Variants in CCDC178 observed in about 807,000 individuals in gnomAD.
CCDC178 encodes coiled-coil domain containing 178.
Under a neutral mutation model 117.4 loss-of-function variants are expected in CCDC178, and 126 were observed. That is an observed-to-expected ratio of 1.07 (90% CI 0.93 to 1.24). CCDC178 has a LOEUF of 1.24. Among genes scored for constraint, CCDC178 ranks in the 50% most tolerant of loss-of-function variants. The pLI, the probability that CCDC178 is intolerant of heterozygous loss-of-function variation, is 0.00. For missense variants in CCDC178, 1,030 were observed against 986.9 expected (o/e 1.04, Z -0.59); for synonymous variants, 283 against 313.4 (o/e 0.90, Z 1.02).
intron 21 of CCDC178, among the ~76,000 whole-genome samples, chr18:32,985,530 T>C (rs2055245056): frequency 6.6e-6 from 1 of 151,950 alleles, no homozygotes; most frequent in Non-Finnish European, 1.5e-5. Context: ...TGCCCAAAAT[T>C]TATAAACTCA....
intron 21 of CCDC178, among the ~76,000 whole-genome samples, chr18:32,978,765 G>T (rs770716617): frequency 6.6e-6 from 1 of 152,168 alleles, no homozygotes; most frequent in East Asian, 1.9e-4. Flanking sequence ...GGCCGGGCAC[G>T]GTGGCTAACG....
chr18:33,224,936 T>C lies in CCDC178; in HGVS notation c.1657A>G (p.Lys553Glu), dbSNP rs2059285350. ...ACTTCGTAAATGGAATATAGTTTTT[T>C]CTGCCAGCAAAGATTTTAAATAAAT... ...GEVAAGMVLQ[K>E]KLYSIYEVQA... The change falls in exon 17 of 23, where the codon AAA becomes GAA. Residue 553 changes from lysine to glutamate, a missense_variant and splice_region_variant. Lys to Glu is a moderately conservative substitution (Grantham distance 56). Transcript: ENST00000383096. The C allele has an allele frequency of 6.8e-7, 1 of 1,469,374 alleles. No individual in the cohort carries two copies. The highest frequency in any genetic ancestry group is 9.0e-7 in the Non-Finnish European group (1 of 1,107,646). 91.0% of individuals were successfully genotyped at this position (1,469,374 alleles called of 1,614,324 possible). A position where few individuals can be genotyped will look rare whatever the true frequency, so the allele number is the denominator to read the frequency against.
rs192016944 is a variant in CCDC178, at chr18:33,073,209, A to G, written c.2388+19552T>C. Among the ~76,000 whole-genome samples, 3 of 151,938 alleles carry G rather than the reference A, an allele frequency of 2.0e-5. No individual in the cohort carries two copies. In the East Asian group the frequency reaches 5.8e-4, roughly 29 times the overall value. On this transcript the variant is annotated intron_variant, in intron 21 of 22. Coordinates refer to ENST00000383096, the MANE Select transcript of CCDC178 (RefSeq NM_001105528.4). ...AATGAAAATCATTTGCAGCCTGAGTATTGCTGACTTTTGGAATGTAGCTTC... is the reference window on the plus strand; with the variant it reads ...AATGAAAATCATTTGCAGCCTGAGTGTTGCTGACTTTTGGAATGTAGCTTC...
At chr18:32,985,961 A>G (rs918596227) in intron 21 of CCDC178, among the ~76,000 whole-genome samples, 1 of 152,072 alleles carries the variant, frequency 6.6e-6, no homozygotes, top group Non-Finnish European at 1.5e-5. Flanking sequence ...AACTGGATTC[A>G]ATATAAAATA....
chr18:33,367,283 T>C (rs1443439430), intron 6 of CCDC178, among the ~76,000 whole-genome samples: 1 of 152,056 alleles, frequency 6.6e-6, no homozygotes, highest in African/African-American at 2.4e-5. Context: ...AGAGAATAGA[T>C]GGAGGATTGC....
chr18:33,160,242 T>G (rs772579796), intron 20 of CCDC178, among the ~76,000 whole-genome samples: 1 of 152,168 alleles, frequency 6.6e-6, no homozygotes, highest in Non-Finnish European at 1.5e-5. Flanking sequence ...ATTATTCATC[T>G]TCTACGACAG....
intron 20 of CCDC178, among the ~76,000 whole-genome samples, chr18:33,192,726 C>T (rs1282855140): frequency 6.6e-6 from 1 of 151,282 alleles, no homozygotes; most frequent in East Asian, 2.0e-4. Flanking sequence ...CATGGCGAAA[C>T]CCCGTCTCTA....
At chr18:33,156,082 CT>C (rs755685926) in intron 20 of CCDC178, among the ~76,000 whole-genome samples, 1,094 of 98,060 alleles carry the variant, frequency 0.011, 1 homozygote, top group African/African-American at 0.04. Flanking sequence ...CTAGAAAACA[CT>C]TTTTTTTTTT....
chr18:32,956,910 C>T (rs1259837645), intron 22 of CCDC178: 2 of 152,142 alleles, frequency 1.3e-5, no homozygotes, highest in Non-Finnish European at 2.9e-5. Context: ...CAGGAGAAAA[C>T]ATTTCTGTAG....
chr18:33,071,850 T>C (rs1007118904), intron 21 of CCDC178, among the ~76,000 whole-genome samples: 3 of 152,178 alleles, frequency 2.0e-5, no homozygotes, highest in African/African-American at 7.2e-5. Flanking sequence ...GTAAGTAATT[T>C]AGAGTGTGCT....
At chr18:33,317,631 C>G (rs1424011745) in intron 11 of CCDC178, among the ~76,000 whole-genome samples, 1 of 152,116 alleles carries the variant, frequency 6.6e-6, no homozygotes, top group Admixed American at 6.5e-5. Flanking sequence ...GACCCCTTTC[C>G]TGTAACAATA....
chr18:32,941,918 C>A (rs924661674), intron 22 of CCDC178, among the ~76,000 whole-genome samples: 2 of 152,054 alleles, frequency 1.3e-5, no homozygotes, highest in Non-Finnish European at 2.9e-5. Context: ...GATTGATGAA[C>A]CTCTCTTCAA....
chr18:33,055,387 A>T (rs917789832), intron 21 of CCDC178, among the ~76,000 whole-genome samples: 4 of 151,922 alleles, frequency 2.6e-5, no homozygotes, highest in African/African-American at 9.7e-5. Flanking sequence ...CCCAGGCTGG[A>T]GTGCAGTGGC....
intron 20 of CCDC178, among the ~76,000 whole-genome samples, chr18:33,138,447 C>T (rs1013596200): frequency 6.6e-6 from 1 of 152,082 alleles, no homozygotes; most frequent in Admixed American, 6.5e-5. Flanking sequence ...TCAGTGCCGC[C>T]TCCATACAAC....
intron 21 of CCDC178, among the ~76,000 whole-genome samples, chr18:33,078,573 T>C (rs1422975487): frequency 6.6e-6 from 1 of 152,112 alleles, no homozygotes; most frequent in African/African-American, 2.4e-5. Flanking sequence ...GATAAACAAC[T>C]TCAACAACAT....
intron 9 of CCDC178, among the ~76,000 whole-genome samples, chr18:33,335,560 G>A (rs527726136): frequency 6.6e-6 from 1 of 151,780 alleles, no homozygotes; most frequent in South Asian, 2.1e-4. Context: ...TCCTTGTCTT[G>A]CTGTGATGCA....
chr18:32,995,616 C>T (rs1410721474), intron 21 of CCDC178, among the ~76,000 whole-genome samples: 3 of 152,160 alleles, frequency 2.0e-5, no homozygotes, highest in African/African-American at 7.2e-5. Flanking sequence ...TTAATGAATG[C>T]TTTTTGCCAT....
chr18:33,015,351 G>C (rs1432380153), intron 21 of CCDC178, among the ~76,000 whole-genome samples: 2 of 151,900 alleles, frequency 1.3e-5, no homozygotes, highest in African/African-American at 4.8e-5. Context: ...AGATCACGAG[G>C]TCAGGAGACC....
At chr18:33,109,199 T>A (rs1373285415) in intron 20 of CCDC178, among the ~76,000 whole-genome samples, 1 of 151,738 alleles carries the variant, frequency 6.6e-6, no homozygotes, top group African/African-American at 2.4e-5. Context: ...CTTTCAAGAA[T>A]ACTAACCCAC....
Sources: allele counts gnomAD v4.1 joint callset (sites outside exome capture counted in the v4.1 genomes callset), GRCh38; gene constraint gnomAD v4.1.1; transcripts MANE v1.5; gene names NCBI Gene and HGNC (gene_info 2026-07-23, HGNC 2026-07-21).